Variants in SORBS2 observed in about 807,000 individuals in gnomAD.
SORBS2 encodes the protein sorbin and SH3 domain-containing protein 2.
SORBS2 carries 46 observed loss-of-function variants against 97.7 expected under a neutral mutation model. The observed-to-expected ratio is 0.47, with a 90% CI of 0.37 to 0.60. The LOEUF is 0.60. Among genes scored for constraint, SORBS2 ranks in the 20% least tolerant of loss-of-function variants. SORBS2 has a pLI of 0.00. For synonymous variants in SORBS2, 476 were observed against 473.4 expected (o/e 1.01, Z -0.07); for missense variants, 1,316 against 1,282.3 (o/e 1.03, Z -0.40).
intron 1 of SORBS2, among the ~76,000 whole-genome samples, chr4:185,800,194 C>T (rs1009246782): frequency 6.6e-6 from 1 of 152,108 alleles, no homozygotes; most frequent in Non-Finnish European, 1.5e-5. Context: ...GACTCCATCT[C>T]AAAACACAAA....
intron 2 of SORBS2, among the ~76,000 whole-genome samples, chr4:185,696,282 A>G (rs962421041): frequency 1.3e-5 from 2 of 152,192 alleles, no homozygotes; most frequent in African/African-American, 4.8e-5. Flanking sequence ...GAGACTTTAC[A>G]ATGTAAGCTG....
chr4:185,700,168 A>G (rs2098239798), intron 2 of SORBS2, among the ~76,000 whole-genome samples: 1 of 152,226 alleles, frequency 6.6e-6, no homozygotes. Context: ...TTTATATGGA[A>G]TAAGTCTAAG....
intron 2 of SORBS2, among the ~76,000 whole-genome samples, chr4:185,723,629 AT>A (rs1283717128): frequency 6.6e-6 from 1 of 152,218 alleles, no homozygotes; most frequent in African/African-American, 2.4e-5. Flanking sequence ...GGCATACAGA[AT>A]TTGGGGGCTT....
intron 14 of SORBS2, among the ~76,000 whole-genome samples, chr4:185,588,358 C>T (rs1037433681): frequency 4.6e-5 from 7 of 152,144 alleles, no homozygotes; most frequent in East Asian, 1.9e-4. Flanking sequence ...TTTAACCACA[C>T]GCACAAATGG....
chr4:185,907,554 C>T (rs151148103), intron 1 of SORBS2, among the ~76,000 whole-genome samples: 52 of 152,188 alleles, frequency 3.4e-4, no homozygotes, highest in African/African-American at 1.2e-3. Context: ...AGCTTTGCTT[C>T]TTGCCTCTTT....
At chr4:185,673,920 A>T (rs2097757526) in intron 4 of SORBS2, among the ~76,000 whole-genome samples, 1 of 152,186 alleles carries the variant, frequency 6.6e-6, no homozygotes, top group South Asian at 2.1e-4. Context: ...TTAGGATGCC[A>T]CATTTTCCCA....
At chr4:185,857,640 G>A (rs1450839317) in intron 1 of SORBS2, among the ~76,000 whole-genome samples, 5 of 152,208 alleles carry the variant, frequency 3.3e-5, no homozygotes, top group African/African-American at 7.2e-5. Context: ...GCAAGTAGGA[G>A]AAATATCACT....
chr4:185,837,844 G>GA (rs376421948), intron 1 of SORBS2, among the ~76,000 whole-genome samples: 2,869 of 142,164 alleles, frequency 0.02, 33 homozygotes, highest in East Asian at 0.049. Context: ...TTCTTTAATA[G>GA]AAAAAAAAAA....
At chr4:185,627,714 G>A (rs1358102237) in intron 5 of SORBS2, among the ~76,000 whole-genome samples, 1 of 151,982 alleles carries the variant, frequency 6.6e-6, no homozygotes, top group Non-Finnish European at 1.5e-5. Flanking sequence ...TTGAGTTCAT[G>A]TTTTGTCTTA....
rs1464189619 is a variant in SORBS2, at chr4:185,626,828, T to C, written c.634+4A>G. Reference sequence around the variant, plus strand: ...ATTGTTGTGTTTTCATTTACTATGCTCACCTTTTGCTCTTGATGGGGAAGA... The same window carrying C: ...ATTGTTGTGTTTTCATTTACTATGCCCACCTTTTGCTCTTGATGGGGAAGA... On this transcript the variant is annotated splice_donor_region_variant and intron_variant, in intron 6 of 14. Coordinates refer to ENST00000418609, the Ensembl canonical transcript of SORBS2. 1.9e-6 allele frequency: 3 copies of C among 1,613,994 alleles called. No homozygotes were observed. Among genetic ancestry groups the C allele is most frequent in the African/African-American group, 1.3e-5 (1 of 75,058 alleles).
Position 185,623,675 on chromosome 4 carries a change from A to G in SORBS2, c.1454T>C (p.Ile485Thr), listed in dbSNP as rs2096758311. 5 of 1,614,024 alleles carry G rather than the reference A, an allele frequency of 3.1e-6. No homozygotes were observed. Among genetic ancestry groups the G allele is most frequent in the Non-Finnish European group, 3.4e-6 (4 of 1,180,008 alleles). Residue 485 changes from isoleucine to threonine, a missense_variant, in exon 7 of 15, where the codon ATT becomes ACT. Physicochemically the swap from Ile to Thr is moderately conservative, Grantham distance 89 (BLOSUM62 -1). Coordinates refer to ENST00000418609, the Ensembl canonical transcript of SORBS2. The surrounding 1 kb of genome is among the most constrained non-coding windows in gnomAD (Gnocchi z 6.4). ...GGGCTGCTCATCGCTGGTGACTTCA[A>G]TGTGAATGGGCACCAGGGCGTTAGA... is the stretch of plus-strand genomic sequence containing the variant.
At chr4:185,660,426 A>G (rs1488555135), upstream of SORBS2, among the ~76,000 whole-genome samples, 1 of 152,210 alleles carries the variant, frequency 6.6e-6, no homozygotes, top group Non-Finnish European at 1.5e-5. Context: ...TAAAGGGCAA[A>G]ATTTCGGCAT....
intron 7 of SORBS2, 101 bp downstream of exon 19, chr4:185,622,812 TG>T: frequency 8.3e-7 from 1 of 1,210,208 alleles, no homozygotes; most frequent in Non-Finnish European, 1.1e-6. Context: ...CGACGCCAAA[TG>T]GTCTCCCAGC....
upstream of SORBS2, among the ~76,000 whole-genome samples, chr4:185,661,424 C>T (rs2153474339): frequency 6.6e-6 from 1 of 152,306 alleles, no homozygotes; most frequent in South Asian, 2.1e-4. Context: ...TATCTGCTTA[C>T]AATTTTTTAT....
intron 2 of SORBS2, among the ~76,000 whole-genome samples, chr4:185,748,603 G>A (rs2098779213): frequency 1.3e-5 from 2 of 152,170 alleles, no homozygotes; most frequent in South Asian, 4.1e-4. Context: ...GACGAGAGAT[G>A]GTGTGTTACG....
At chr4:185,933,373 T>C (rs2099267393) in intron 1 of SORBS2, 1 of 152,156 alleles carries the variant, frequency 6.6e-6, no homozygotes, top group Admixed American at 6.5e-5. Context: ...ATTCGTCTGC[T>C]TGGGCTGTGA....
intron 1 of SORBS2, among the ~76,000 whole-genome samples, chr4:185,655,845 A>G (rs1414891142): frequency 6.6e-6 from 1 of 152,212 alleles, no homozygotes; most frequent in Non-Finnish European, 1.5e-5. Context: ...TTGCATGTCC[A>G]TTATATATCA....
upstream of SORBS2, among the ~76,000 whole-genome samples, chr4:185,657,873 C>T (rs1169694180): frequency 6.6e-6 from 1 of 152,088 alleles, no homozygotes. Flanking sequence ...TTAGGAAGTG[C>T]TCTAAATGCA....
intron 12 of SORBS2, among the ~76,000 whole-genome samples, chr4:185,599,916 C>T (rs61217267): frequency 0.1 from 15,235 of 152,128 alleles, 1,367 homozygotes; most frequent in African/African-American, 0.23. Flanking sequence ...GGCCAGGATG[C>T]CTGCCACAAA....
Sources: allele counts gnomAD v4.1 joint callset (sites outside exome capture counted in the v4.1 genomes callset), GRCh38; gene constraint gnomAD v4.1.1; non-coding constraint Gnocchi (gnomAD v3.1); transcripts MANE v1.5; gene names NCBI Gene and HGNC (gene_info 2026-07-23, HGNC 2026-07-21).